The following PTPRT variants were observed in gnomAD, a reference collection of about 807,000 sequenced individuals.
The protein encoded by PTPRT is protein tyrosine phosphatase receptor type T.
Under a neutral mutation model 176.8 loss-of-function variants are expected in PTPRT, and 56 were observed. The ratio of observed to expected loss-of-function variants is 0.32; its 90% CI spans 0.26 to 0.40. The LOEUF is 0.40. PTPRT is among the 10% of genes least tolerant of loss of function. PTPRT has a pLI of 1.00. For missense variants in PTPRT, 1,540 were observed against 1,908.2 expected (o/e 0.81, Z 3.60); for synonymous variants, 783 against 739.0 (o/e 1.06, Z -0.96).
chr20:42,539,104 G>A (rs1236293860), intron 7 of PTPRT, among the ~76,000 whole-genome samples: 1 of 152,120 alleles, frequency 6.6e-6, no homozygotes, highest in Non-Finnish European at 1.5e-5. Flanking sequence ...GGATCATGTT[G>A]TTCTTAATAC....
intron 11 of PTPRT, among the ~76,000 whole-genome samples, chr20:42,340,439 A>G (rs2058095995): frequency 6.6e-6 from 1 of 152,206 alleles, no homozygotes. Context: ...GAGAGTAACC[A>G]CACATTTTTT....
chr20:43,097,354 T>C (rs973961558), intron 1 of PTPRT, among the ~76,000 whole-genome samples: 11 of 152,200 alleles, frequency 7.2e-5, no homozygotes, highest in African/African-American at 2.4e-4. Flanking sequence ...TCCAGAGTCA[T>C]TGTGAGTACC....
At chr20:42,827,668 G>T (rs6030500) in intron 2 of PTPRT, among the ~76,000 whole-genome samples, 3,454 of 152,244 alleles carry the variant, frequency 0.023, 125 homozygotes, top group African/African-American at 0.075. Context: ...TCATGGGAGG[G>T]ACCTGGTGGG....
the PTPRT span, among the ~76,000 whole-genome samples, chr20:42,067,291 GGT>G: frequency 6.6e-6 from 1 of 152,158 alleles, no homozygotes; most frequent in East Asian, 1.9e-4. Flanking sequence ...CCCTGGGAGA[GGT>G]TTGTATCGGC....
At chr20:43,181,575 T>G (rs1311957029) in intron 1 of PTPRT, among the ~76,000 whole-genome samples, 1 of 152,210 alleles carries the variant, frequency 6.6e-6, no homozygotes. Flanking sequence ...TCTTTTTAAT[T>G]AGATTAATGA....
In PTPRT at chr20:42,758,377, C is replaced by G. The variant is rs193002849; in HGVS notation, c.685-1741G>C. 4.6e-5 allele frequency among the ~76,000 whole-genome samples: 7 copies of G among 152,174 alleles called. No homozygotes were observed. In the East Asian group the frequency reaches 1.4e-3, roughly 30 times the overall value. ...ACAGGTAGAGCCACACTGCTCAGCT[C>G]TATGGCAGCAAATGAGGGGAGACCA... On this transcript the variant is annotated intron_variant, in intron 5 of 30. Transcript: ENST00000373187.
chr20:42,988,280 C>G (rs1424380442), intron 1 of PTPRT, among the ~76,000 whole-genome samples: 1 of 152,196 alleles, frequency 6.6e-6, no homozygotes, highest in East Asian at 1.9e-4. Flanking sequence ...GTCTACAAAA[C>G]CTAGGAGTCA....
chr20:42,230,016 A>G (rs976456659), intron 15 of PTPRT, among the ~76,000 whole-genome samples: 3 of 152,200 alleles, frequency 2.0e-5, no homozygotes, highest in Non-Finnish European at 4.4e-5. Context: ...ATGAGCAAGC[A>G]ACATCCTTAA....
At chr20:42,653,045 C>T (rs1454314406) in intron 7 of PTPRT, among the ~76,000 whole-genome samples, 2 of 152,142 alleles carry the variant, frequency 1.3e-5, no homozygotes. Flanking sequence ...ATGTCCCCAA[C>T]CAAATCTCAT....
chr20:42,111,302 T>C, intron 22 of PTPRT, among the ~76,000 whole-genome samples: 1 of 89,412 alleles, frequency 1.1e-5, no homozygotes, highest in East Asian at 3.0e-4. Flanking sequence ...TGTTTGATTA[T>C]TCATTCATTC....
intron 17 of PTPRT, among the ~76,000 whole-genome samples, chr20:42,143,008 T>C (rs2146421685): frequency 6.6e-6 from 1 of 152,210 alleles, no homozygotes; most frequent in Middle Eastern, 3.4e-3. Flanking sequence ...CAAATGACCA[T>C]ATTCAAGGAC....
intron 3 of PTPRT, among the ~76,000 whole-genome samples, chr20:42,787,742 T>C (rs1051758870): frequency 2.6e-5 from 4 of 152,196 alleles, no homozygotes; most frequent in Admixed American, 6.5e-5. Flanking sequence ...TTCTTCACCT[T>C]AGTATTATAA....
rs560740711 is a variant in PTPRT, at chr20:42,134,614, G to C, written c.2771-5784C>G. Among the ~76,000 whole-genome samples, 6 of 152,270 alleles carry C rather than the reference G, an allele frequency of 3.9e-5. No homozygotes were observed. The South Asian group carries it at 6.2e-4, about 16-fold the overall frequency. Reference sequence around the variant, plus strand: ...CTGCTGTTCCTTGCTTGAGGTCAAAGACCACTAGTATGCTGGTAAATGTTT... The same window carrying C: ...CTGCTGTTCCTTGCTTGAGGTCAAACACCACTAGTATGCTGGTAAATGTTT... On this transcript the variant is annotated intron_variant, in intron 18 of 30. Transcript: ENST00000373187.
intron 1 of PTPRT, among the ~76,000 whole-genome samples, chr20:43,109,569 AGGATAT>A: frequency 6.6e-6 from 1 of 152,250 alleles, no homozygotes; most frequent in African/African-American, 2.4e-5. Flanking sequence ...CTAGGGGCTG[AGGATAT>A]GGTGACGAAC....
chr20:42,934,577 C>T (rs1448593594), intron 1 of PTPRT, among the ~76,000 whole-genome samples: 3 of 152,120 alleles, frequency 2.0e-5, no homozygotes, highest in Non-Finnish European at 4.4e-5. Context: ...TAAGCTCACT[C>T]TCAGGGTTGT....
intron 1 of PTPRT, among the ~76,000 whole-genome samples, chr20:43,129,932 C>T (rs576758706): frequency 1.1e-4 from 16 of 152,204 alleles, no homozygotes; most frequent in African/African-American, 3.6e-4. Flanking sequence ...GAGTTCTTTT[C>T]GGGAGATTTT....
At chr20:43,048,300 GGATA>G (rs1986913603) in intron 1 of PTPRT, among the ~76,000 whole-genome samples, 1 of 152,152 alleles carries the variant, frequency 6.6e-6, no homozygotes. Flanking sequence ...AGGGGTTGGT[GGATA>G]GACAGTCCAC....
the PTPRT span, among the ~76,000 whole-genome samples, chr20:42,036,507 G>T: frequency 6.6e-6 from 1 of 152,176 alleles, no homozygotes; most frequent in Non-Finnish European, 1.5e-5. Flanking sequence ...TTCTCCCTGG[G>T]TGTGTCTGAT....
intron 7 of PTPRT, among the ~76,000 whole-genome samples, chr20:42,657,301 C>T (rs1242023162): frequency 1.3e-5 from 2 of 152,126 alleles, no homozygotes; most frequent in Non-Finnish European, 1.5e-5. Context: ...AGTGTGAGGA[C>T]GGACTAATAC....
Sources: allele counts gnomAD v4.1 joint callset (sites outside exome capture counted in the v4.1 genomes callset), GRCh38; gene constraint gnomAD v4.1.1; transcripts MANE v1.5; gene names NCBI Gene and HGNC (gene_info 2026-07-23, HGNC 2026-07-21).